Variants in EYS observed in about 807,000 individuals in gnomAD.
EYS encodes the protein protein eyes shut homolog.
EYS carries 250 observed loss-of-function variants against 282.1 expected under a neutral mutation model. That is an observed-to-expected ratio of 0.89 (90% confidence interval 0.80 to 0.98). The LOEUF is 0.98. EYS is among the 50% of genes least tolerant of loss of function. The pLI is 0.00. For synonymous variants in EYS, 1,355 were observed against 1,282.9 expected (o/e 1.06, Z -1.20); for missense variants, 4,016 against 3,709.0 (o/e 1.08, Z -2.15).
chr6:65,679,853 A>T (rs1011416198), intron 1 of EYS, among the ~76,000 whole-genome samples: 1 of 151,910 alleles, frequency 6.6e-6, no homozygotes, highest in Non-Finnish European at 1.5e-5. Context: ...TACAATAGCA[A>T]TTTGTTTCTT....
At chr6:64,072,947 A>G (rs1219941608) in intron 32 of EYS, among the ~76,000 whole-genome samples, 6 of 151,926 alleles carry the variant, frequency 3.9e-5, no homozygotes, top group Admixed American at 1.3e-4. Context: ...TTAAAGATTG[A>G]CTATACACAT....
intron 13 of EYS, among the ~76,000 whole-genome samples, chr6:65,042,829 A>AT (rs1402612588): frequency 5.4e-5 from 8 of 149,424 alleles, no homozygotes; most frequent in Non-Finnish European, 1.2e-4. Flanking sequence ...ATTCTTTAAG[A>AT]TTTTATTAGC....
chr6:64,357,861 T>C (rs1260183489), intron 29 of EYS, among the ~76,000 whole-genome samples: 3 of 151,608 alleles, frequency 2.0e-5, no homozygotes, highest in Non-Finnish European at 4.4e-5. Context: ...AGTGTTTTTT[T>C]CACCACTGAT....
At chr6:64,086,166 A>C (rs1295627808) in intron 31 of EYS, among the ~76,000 whole-genome samples, 1 of 152,146 alleles carries the variant, frequency 6.6e-6, no homozygotes, top group East Asian at 1.9e-4. Context: ...CATAGTACTT[A>C]GTGTTCCAAG....
intron 12 of EYS, among the ~76,000 whole-genome samples, chr6:65,103,463 CA>C (rs1774948932): frequency 6.6e-6 from 1 of 151,310 alleles, no homozygotes; most frequent in South Asian, 2.1e-4. Context: ...CCTTTTCATT[CA>C]AAAATTACTA....
intron 12 of EYS, among the ~76,000 whole-genome samples, chr6:65,246,301 G>C (rs758043696): frequency 6.6e-6 from 1 of 152,008 alleles, no homozygotes; most frequent in South Asian, 2.1e-4. Context: ...TGACTTTTCT[G>C]CCTATATTGT....
intron 15 of EYS, among the ~76,000 whole-genome samples, chr6:64,945,365 A>G (rs1769251836): frequency 6.6e-6 from 1 of 152,070 alleles, no homozygotes; most frequent in Admixed American, 6.6e-5. Flanking sequence ...ATACTATAAA[A>G]TATATCAAAA....
intron 33 of EYS, among the ~76,000 whole-genome samples, chr6:64,028,670 T>C (rs374287643): frequency 6.6e-5 from 10 of 152,320 alleles, no homozygotes; most frequent in African/African-American, 2.4e-4. Context: ...CCCAAGGGTT[T>C]AGGGATAGCC....
At chr6:65,272,785 A>T in intron 12 of EYS, among the ~76,000 whole-genome samples, 1 of 152,180 alleles carries the variant, frequency 6.6e-6, no homozygotes, top group East Asian at 1.9e-4. Context: ...TCAGCATTCA[A>T]AATATCTTGA....
intron 2 of EYS, among the ~76,000 whole-genome samples, chr6:65,513,017 G>A (rs1172244059): frequency 6.6e-6 from 1 of 152,028 alleles, no homozygotes; most frequent in African/African-American, 2.4e-5. Context: ...TTTTTGAAAG[G>A]ATCAACAAAA....
At chr6:65,206,017 G>T (rs1766024376) in intron 12 of EYS, among the ~76,000 whole-genome samples, 1 of 151,624 alleles carries the variant, frequency 6.6e-6, no homozygotes, top group Non-Finnish European at 1.5e-5. Flanking sequence ...GCTCGCAGAA[G>T]AAAAGAAATA....
chr6:64,460,509 G>A (rs532520254), intron 26 of EYS, among the ~76,000 whole-genome samples: 9 of 152,166 alleles, frequency 5.9e-5, no homozygotes, highest in Non-Finnish European at 1.3e-4. Flanking sequence ...CTTGTTTGAA[G>A]CAATGTTTAG....
At chr6:64,486,574 G>T (rs1383201763) in intron 26 of EYS, among the ~76,000 whole-genome samples, 1 of 151,390 alleles carries the variant, frequency 6.6e-6, no homozygotes, top group Non-Finnish European at 1.5e-5. Flanking sequence ...TTGCACATTG[G>T]CAGAGCAGCA....
At chr6:64,343,465 C>T (rs1036517842) in intron 29 of EYS, among the ~76,000 whole-genome samples, 1 of 152,042 alleles carries the variant, frequency 6.6e-6, no homozygotes, top group African/African-American at 2.4e-5. Context: ...CTACTGGATA[C>T]ATAATGAAAT....
chr6:64,735,684 CA>C (rs915626839), intron 22 of EYS, among the ~76,000 whole-genome samples: 51 of 151,952 alleles, frequency 3.4e-4, no homozygotes, highest in African/African-American at 1.2e-3. Flanking sequence ...AGGGACATAT[CA>C]AAAAAGAAAT....
At chr6:65,659,921 G>C (rs1169639066) in intron 1 of EYS, among the ~76,000 whole-genome samples, 2 of 151,686 alleles carry the variant, frequency 1.3e-5, no homozygotes, top group Non-Finnish European at 3.0e-5. Context: ...GCAGATAACA[G>C]CTCTTGGAAG....
At chr6:64,625,521 G>A (rs936036514) in intron 23 of EYS, among the ~76,000 whole-genome samples, 2 of 152,176 alleles carry the variant, frequency 1.3e-5, no homozygotes, top group Non-Finnish European at 2.9e-5. Flanking sequence ...GGAAGGGCCA[G>A]CTAGCTCTCT....
chr6:64,415,793 T>A (rs1312013524), intron 28 of EYS, among the ~76,000 whole-genome samples: 2 of 152,216 alleles, frequency 1.3e-5, no homozygotes, highest in Non-Finnish European at 2.9e-5. Context: ...CACTTTAGCA[T>A]CTCGTAAGGA....
intron 32 of EYS, among the ~76,000 whole-genome samples, chr6:64,074,117 C>T (rs2149861950): frequency 6.6e-6 from 1 of 151,566 alleles, no homozygotes; most frequent in South Asian, 2.1e-4. Flanking sequence ...GACTACATTT[C>T]AAAACTTTAT....
Sources: gnomAD v4.1 joint callset for allele counts (sites outside exome capture counted in the v4.1 genomes callset) on GRCh38, gnomAD v4.1.1 for gene constraint, MANE v1.5 for transcripts, NCBI Gene and HGNC (gene_info 2026-07-23, HGNC 2026-07-21) for gene names.